CPS1: variants seen among roughly 807,000 people sequenced by gnomAD.
CPS1 encodes the protein carbamoyl-phosphate synthase 1.
In CPS1, 109 loss-of-function variants were observed where a neutral mutation model predicts 174.6. The ratio of observed to expected loss-of-function variants is 0.62; its 90% CI spans 0.53 to 0.73. The LOEUF (loss-of-function observed/expected upper bound fraction) is 0.73. Ranked by LOEUF, CPS1 falls within the 30% of genes least tolerant of loss-of-function variation. CPS1 has a pLI of 0.00. For missense variants in CPS1, 1,689 were observed against 1,821.9 expected (o/e 0.93, Z 1.33); for synonymous variants, 637 against 632.0 (o/e 1.01, Z -0.12).
chr2:210,644,270 T>C (rs1700310388), intron 25 of CPS1, among the ~76,000 whole-genome samples: 1 of 152,180 alleles, frequency 6.6e-6, no homozygotes, highest in South Asian at 2.1e-4. Context: ...ATTTAAAATA[T>C]GTTGGCGGAC....
intron 13 of CPS1, among the ~76,000 whole-genome samples, chr2:210,598,765 G>A (rs182165664): frequency 3.1e-4 from 47 of 151,856 alleles, no homozygotes; most frequent in African/African-American, 9.9e-4. Flanking sequence ...AATAATAGTG[G>A]GAGGTATCAA....
At chr2:210,641,446 A>G (rs1321371295) in intron 24 of CPS1, among the ~76,000 whole-genome samples, 2 of 152,048 alleles carry the variant, frequency 1.3e-5, no homozygotes, top group East Asian at 3.9e-4. Flanking sequence ...TAACAGCATT[A>G]ATCTATTCAT....
Position 210,577,360 on chromosome 2 carries a change from C to A in CPS1, c.382-61C>A, listed in dbSNP as rs1211156209. On this transcript the variant is annotated intron_variant, in intron 3 of 37. Coordinates refer to ENST00000233072, the MANE Select transcript of CPS1 (RefSeq NM_001875.5). ...AAACTTAAAAACAAATGCAAATTGA[C>A]TCACAAGAGTTGGATAATATCTTGT... 6.3e-6 allele frequency: 8 copies of A among 1,279,378 alleles called. No homozygotes were observed. The African/African-American group carries it at 8.8e-5, about 14-fold the overall frequency. The allele number at this position is 1,279,378 out of a possible 1,614,324, so 79.3% of individuals were successfully genotyped here.
chr2:210,641,706 A>G (rs1270873805), intron 24 of CPS1, among the ~76,000 whole-genome samples: 1 of 152,212 alleles, frequency 6.6e-6, no homozygotes, highest in Admixed American at 6.5e-5. Flanking sequence ...TCCAAAGAAG[A>G]CTAGTCAAGC....
chr2:210,565,470 C>T (rs896596198), intron 1 of CPS1, among the ~76,000 whole-genome samples: 1 of 151,970 alleles, frequency 6.6e-6, no homozygotes, highest in Non-Finnish European at 1.5e-5. Flanking sequence ...CAATCCTTGG[C>T]CTATTTCTTT....
At chr2:210,479,402 C>T (rs180994048) in intron 1 of CPS1, among the ~76,000 whole-genome samples, 1 of 149,976 alleles carries the variant, frequency 6.7e-6, no homozygotes. Context: ...GATCTCGGCT[C>T]ACTGCAACCT....
At chr2:210,602,135 C>T in intron 15 of CPS1, 67 bp from the exon 16 acceptor site, 2 of 1,597,136 alleles carry the variant, frequency 1.3e-6, no homozygotes, top group Non-Finnish European at 1.7e-6. Context: ...GCCAGACTCT[C>T]TTGGTGTGGT....
At chr2:210,480,012 G>A (rs1052393763) in intron 1 of CPS1, among the ~76,000 whole-genome samples, 6 of 152,074 alleles carry the variant, frequency 3.9e-5, no homozygotes, top group African/African-American at 1.4e-4. Flanking sequence ...ATATTAGGGT[G>A]AAAACTATGT....
chr2:210,482,438 G>A (rs1450265034), intron 1 of CPS1, among the ~76,000 whole-genome samples: 9 of 151,936 alleles, frequency 5.9e-5, no homozygotes, highest in African/African-American at 2.2e-4. Context: ...GAGTAGCTGG[G>A]ATTACAGACC....
chr2:210,563,999 T>C (rs1466933502), intron 1 of CPS1, among the ~76,000 whole-genome samples: 1 of 152,212 alleles, frequency 6.6e-6, no homozygotes, highest in African/African-American at 2.4e-5. Flanking sequence ...CAGTCACTTA[T>C]TTGTGGTCCC....
rs746908366 is a variant in CPS1, at chr2:210,639,116, C to T, written c.2830-34C>T. The T allele has an allele frequency of 1.9e-6, 3 of 1,548,826 alleles. No homozygotes were observed. The South Asian group carries it at 3.4e-5, about 18-fold the overall frequency. ...GTCTTGAAAAAATTATAATAACATT[C>T]TTATTTGTTTATTTTATTTGTTTTC... On this transcript the variant is annotated intron_variant, in intron 22 of 37. Coordinates refer to ENST00000233072, the MANE Select transcript of CPS1 (RefSeq NM_001875.5).
chr2:210,639,856 G>A, intron 23 of CPS1, 140 bp from the exon 24 acceptor site: 1 of 668,878 alleles, frequency 1.5e-6, no homozygotes, highest in Non-Finnish European at 2.6e-6. Context: ...TTATACTTAT[G>A]GGTTTCCAGA....
rs540996591 is a variant in CPS1, at chr2:210,629,561, C to T, written c.2688-8141C>T. 7.1e-3 allele frequency among the ~76,000 whole-genome samples: 1,071 copies of T among 151,558 alleles called. 17 individuals are homozygous for T. Among genetic ancestry groups the T allele is most frequent in the African/African-American group, 0.024 (1,009 of 41,396 alleles). ...TGATCTCCTGACCTCGTGATCCGCC[C>T]GCCTCGGCCTCTCAAAGTGCTGGGA... On this transcript the variant is annotated intron_variant, in intron 21 of 37. Transcript: ENST00000233072.
intron 32 of CPS1, among the ~76,000 whole-genome samples, chr2:210,662,499 CG>C (rs1700957694): frequency 6.6e-6 from 1 of 152,022 alleles, no homozygotes. Context: ...GGACACATAG[CG>C]AGAAACAAGA....
rs1698625701 is a variant in CPS1 at position 210,599,427 on chromosome 2, A to G, written c.1415A>G (p.Asn472Ser). The G allele has an allele frequency of 4.3e-6, 7 of 1,612,470 alleles. No individual in the cohort carries two copies. The highest frequency in any genetic ancestry group is 2.7e-5 in the African/African-American group (2 of 74,798). ...CCAAACATTGCATCAGTCCAGACCAATGAGGTGGGCTTAAAGCAAGCGGAT... is the reference window on the plus strand; with the variant it reads ...CCAAACATTGCATCAGTCCAGACCAGTGAGGTGGGCTTAAAGCAAGCGGAT... ...MNPNIASVQTNEVGLKQADTV... is the reference protein window; with the variant it reads ...MNPNIASVQTSEVGLKQADTV... The change falls in exon 14 of 38, where the codon AAT (asparagine) becomes AGT (serine). Residue 472 changes from asparagine (N) to serine (S), a missense_variant. Asn to Ser is a conservative substitution (Grantham distance 46, BLOSUM62 1). Coordinates refer to ENST00000233072, the MANE Select transcript of CPS1 (RefSeq NM_001875.5).
At position 210,634,025 on chromosome 2, in the gene CPS1, C is replaced by A. The variant is rs141593857; in HGVS notation, c.2688-3677C>A. 4.4e-3 allele frequency among the ~76,000 whole-genome samples: 671 copies of A among 152,218 alleles called. 7 individuals carry two copies. Among genetic ancestry groups the A allele is most frequent in the African/African-American group, 0.015 (617 of 41,544 alleles). ...TCGCTTATTTGTCAAGCACTTCCAC[C>A]GAAAGGCTGAGTGCATACTTGCACA... On this transcript the variant is annotated intron_variant, in intron 21 of 37. Transcript: ENST00000233072.
intron 21 of CPS1, among the ~76,000 whole-genome samples, chr2:210,629,803 C>A (rs1367996859): frequency 6.7e-6 from 1 of 150,030 alleles, no homozygotes; most frequent in African/African-American, 2.4e-5. Flanking sequence ...GTGATCCCAG[C>A]ACTTTGGGAG....
intron 1 of CPS1, among the ~76,000 whole-genome samples, chr2:210,507,850 C>G (rs1257806960): frequency 6.8e-6 from 1 of 147,172 alleles, no homozygotes; most frequent in Non-Finnish European, 1.5e-5. Context: ...TATATGCACC[C>G]AATACAGGAG....
At chr2:210,568,508 C>T (rs1045969081) in intron 1 of CPS1, among the ~76,000 whole-genome samples, 1 of 152,004 alleles carries the variant, frequency 6.6e-6, no homozygotes, top group Non-Finnish European at 1.5e-5. Flanking sequence ...CATGCAATTT[C>T]ATATAGTGTG....
Sources: gnomAD v4.1 joint callset for allele counts (sites outside exome capture counted in the v4.1 genomes callset) on GRCh38, gnomAD v4.1.1 for gene constraint, MANE v1.5 for transcripts, NCBI Gene and HGNC (gene_info 2026-07-23, HGNC 2026-07-21) for gene names.